LHX9: variants seen among roughly 807,000 people sequenced by gnomAD.
The protein encoded by LHX9 is LIM/homeobox protein Lhx9.
A neutral mutation model predicts 36.5 loss-of-function variants in LHX9; 9 were observed. The ratio of observed to expected loss-of-function variants is 0.25; its 90% confidence interval spans 0.15 to 0.43. LHX9 has a LOEUF of 0.43. Ranked by LOEUF, LHX9 falls within the 20% of genes least tolerant of loss-of-function variation. LHX9 has a pLI of 1.00. For synonymous variants in LHX9, 211 were observed against 212.1 expected (o/e 0.99, Z 0.04); for missense variants, 464 against 526.4 (o/e 0.88, Z 1.16).
chr1:197,917,115 TGCGC>T (rs1491353574), upstream of LHX9: 7 of 172,596 alleles, frequency 4.1e-5, no homozygotes, highest in South Asian at 2.0e-4. Context: ...TGTGTGTGTG[TGCGC>T]GCGCGCGCGC....
chr1:197,918,260 G>T (rs1659840602), intron 1 of LHX9: 1 of 715,764 alleles, frequency 1.4e-6, no homozygotes, highest in African/African-American at 1.7e-5. Flanking sequence ...GAGGTGGGAT[G>T]GGGGGTGGTG....
chr1:197,926,104 C>T (rs1660134259), intron 3 of LHX9, among the ~76,000 whole-genome samples: 1 of 152,234 alleles, frequency 6.6e-6, no homozygotes, highest in South Asian at 2.1e-4. Flanking sequence ...TTATATGTGG[C>T]TGCCTTCTTG....
chr1:197,920,976 G>A (rs1245014545), intron 2 of LHX9, among the ~76,000 whole-genome samples: 1 of 152,024 alleles, frequency 6.6e-6, no homozygotes, highest in East Asian at 1.9e-4. Context: ...ACTTGGCATG[G>A]CAATTTAATA....
chr1:197,927,034 C>T (rs1660162746), intron 3 of LHX9, among the ~76,000 whole-genome samples: 1 of 152,186 alleles, frequency 6.6e-6, no homozygotes. Flanking sequence ...TGAGAAAAGG[C>T]TAACCCTTAG....
Position 197,927,634 on chromosome 1 carries a change from G to C in LHX9, c.777G>C (p.Gln259His). 1 of 1,614,158 alleles carries C rather than the reference G, an allele frequency of 6.2e-7. No homozygotes were observed. The highest frequency in any genetic ancestry group is 8.5e-7 in the Non-Finnish European group (1 of 1,180,034). Residue 259 changes from glutamine (Q) to histidine (H), a missense_variant, in exon 4 of 5, where the codon CAG (glutamine) becomes CAC (histidine). Physicochemically the swap from Gln to His is conservative, Grantham distance 24. Coordinates refer to ENST00000367387, the MANE Select transcript of LHX9 (RefSeq NM_020204.3). The stretch of plus-strand genomic sequence containing the variant: ...CAGACCACTTGGACCGGGACCAGCA[G>C]CCTTATCCACCCTCGCAGAAGACCA... The part of the protein sequence containing the change: ...NEADHLDRDQ[Q>H]PYPPSQKTKR...
At position 197,921,589 on chromosome 1, in the gene LHX9, C is replaced by A. The variant is rs148334914; in HGVS notation, c.663C>A (p.Thr221=). 3 of 1,610,392 alleles carry A rather than the reference C, an allele frequency of 1.9e-6. No individual in the cohort carries two copies. The highest frequency in any genetic ancestry group is 1.7e-6 in the Non-Finnish European group (2 of 1,179,266). Residue 221 remains threonine, a synonymous_variant, in exon 3 of 5, where the codon ACC becomes ACA. Transcript: ENST00000367387. The surrounding 1 kb of genome is among the most constrained non-coding windows in gnomAD (Gnocchi z 4.6). ...LALPYFNGTG[T]VQKGRPRKRK... is the part of the protein sequence containing the mutation. ...TGCCTTACTTCAACGGTACGGGCACCGTGCAGAAAGGGCGGCCCCGGAAGC... is the reference window on the plus strand; with the variant it reads ...TGCCTTACTTCAACGGTACGGGCACAGTGCAGAAAGGGCGGCCCCGGAAGC...
At chr1:197,919,935 G>A (rs1659916509) in intron 1 of LHX9, 37 bp from the exon 2 acceptor site, 2 of 1,603,408 alleles carry the variant, frequency 1.2e-6, no homozygotes, top group Non-Finnish European at 1.7e-6. Context: ...GCTACACCGC[G>A]CGCCCTCCTC....
upstream of LHX9, chr1:197,916,599 C>G: frequency 1.4e-6 from 1 of 700,408 alleles, no homozygotes; most frequent in African/African-American, 1.7e-5. Context: ...ATTGCGTACC[C>G]GTGTGTACAG....
chr1:197,932,233 T>C lies in LHX9; in HGVS notation c.*2974T>C. The C allele has an allele frequency of 2.8e-6, 1 of 361,976 alleles. No homozygotes were observed. 22.4% of individuals were successfully genotyped at this position (361,976 alleles called of 1,614,324 possible). ...CAAAACCAGAGCAACCTGGCAGTAA[T>C]ATGCCCACCCCATATTTGAAAAAAA... is the stretch of plus-strand genomic sequence containing the variant. On this transcript the variant is annotated 3_prime_UTR_variant, in exon 5 of 5. Transcript: ENST00000367387.
Position 197,921,154 on chromosome 1 carries a change from A to C in LHX9, c.378-150A>C. ...CTTGGTTTATCAGAAAAGGTCGATG[A>C]GCAAATAAAATTAATGCCTACTCTC... On this transcript the variant is annotated intron_variant, in intron 2 of 4. Transcript: ENST00000367387. This position sits in a 1 kb window ranked among gnomAD's most constrained non-coding sequence, Gnocchi z 4.6. The C allele has an allele frequency of 3.5e-6, 2 of 577,790 alleles. No homozygotes were observed. Among genetic ancestry groups the C allele is most frequent in the Non-Finnish European group, 6.0e-6 (2 of 333,032 alleles). 35.8% of individuals were successfully genotyped at this position (577,790 alleles called of 1,614,324 possible). A position where few individuals can be genotyped will look rare whatever the true frequency, so the allele number is the denominator to read the frequency against.
At position 197,920,194 on chromosome 1, in the gene LHX9, C is replaced by A; in HGVS notation, c.377+20C>A. 4 of 1,610,758 alleles carry A rather than the reference C, an allele frequency of 2.5e-6. No individual in the cohort carries two copies. The highest frequency in any genetic ancestry group is 3.4e-6 in the Non-Finnish European group (4 of 1,177,176). Reference sequence around the variant, plus strand: ...CTACAGGTACTCCCCTACACCCCCACTTCCTACGCCCGAGTACACCTGGAG... The same window carrying A: ...CTACAGGTACTCCCCTACACCCCCAATTCCTACGCCCGAGTACACCTGGAG... On this transcript the variant is annotated intron_variant, in intron 2 of 4. Transcript: ENST00000367387.
rs199530670 is a variant in LHX9 at position 197,919,955 on chromosome 1, G to T, written c.175-17G>T. The T allele has an allele frequency of 1.9e-5, 31 of 1,613,200 alleles. No individual in the cohort carries two copies. The East Asian group carries it at 6.2e-4, about 32-fold the overall frequency. On this transcript the variant is annotated splice_polypyrimidine_tract_variant and intron_variant, in intron 1 of 4. Coordinates refer to ENST00000367387, the MANE Select transcript of LHX9 (RefSeq NM_020204.3). The stretch of plus-strand genomic sequence containing the variant: ...ACCGCGCGCCCTCCTCAGCCTTGCG[G>T]TGTGCTTTCTTTGCAGGGCATGCCC...
At chr1:197,919,855 C>A in intron 1 of LHX9, 117 bp from the exon 2 acceptor site, 2 of 967,334 alleles carry the variant, frequency 2.1e-6, no homozygotes, top group Non-Finnish European at 3.1e-6. Context: ...GTGCAGTGGA[C>A]CCTGGCCCCT....
At position 197,933,274 on chromosome 1, in the gene LHX9, C is replaced by A. The variant is rs1660370675; in HGVS notation, c.*4015C>A. Reference sequence around the variant, plus strand: ...TGACAGACATTAAATATTTCACTTACATGTATTCTCAGAATTTTGAATGTT... The same window carrying A: ...TGACAGACATTAAATATTTCACTTAAATGTATTCTCAGAATTTTGAATGTT... On this transcript the variant is annotated 3_prime_UTR_variant, in exon 5 of 5. Coordinates refer to ENST00000367387, the MANE Select transcript of LHX9 (RefSeq NM_020204.3). The A allele has an allele frequency of 4.6e-5, 7 of 151,980 alleles. No homozygotes were observed. The highest frequency in any genetic ancestry group is 4.6e-4 in the Admixed American group (7 of 15,258). 9.4% of individuals were successfully genotyped at this position (151,980 alleles called of 1,614,324 possible). A position where few individuals can be genotyped will look rare whatever the true frequency, so the allele number is the denominator to read the frequency against.
chr1:197,934,000 C>A lies in LHX9; in HGVS notation c.*4741C>A, dbSNP rs560002723. 6.6e-6 allele frequency: 1 copy of A among 152,238 alleles called. No individual in the cohort carries two copies. The highest frequency in any genetic ancestry group is 2.4e-5 in the African/African-American group (1 of 41,562). 9.4% of individuals were successfully genotyped at this position (152,238 alleles called of 1,614,324 possible). Reference sequence around the variant, plus strand: ...TTAGTCTAACTTCTGGCAGATTGATCTTGGGCAAAAAGCTTCACTGAGAGT... The same window carrying A: ...TTAGTCTAACTTCTGGCAGATTGATATTGGGCAAAAAGCTTCACTGAGAGT... On this transcript the variant is annotated 3_prime_UTR_variant, in exon 5 of 5. Coordinates refer to ENST00000367387, the MANE Select transcript of LHX9 (RefSeq NM_020204.3).
chr1:197,925,552 A>C (rs1329417896), intron 3 of LHX9, among the ~76,000 whole-genome samples: 1 of 152,166 alleles, frequency 6.6e-6, no homozygotes, highest in East Asian at 1.9e-4. Flanking sequence ...TATATTTATA[A>C]TCTGGTTATG....
upstream of LHX9, chr1:197,912,519 T>G (rs1293854837): frequency 6.2e-7 from 1 of 1,613,936 alleles, no homozygotes; most frequent in Non-Finnish European, 8.5e-7. Context: ...GATCCACTCC[T>G]TTTCCTCTAA....
intron 1 of LHX9, among the ~76,000 whole-genome samples, chr1:197,919,360 C>A (rs1032092130): frequency 6.6e-6 from 1 of 152,178 alleles, no homozygotes; most frequent in Non-Finnish European, 1.5e-5. Flanking sequence ...TGGGAACAGC[C>A]ACTTTACACA....
At position 197,921,685 on chromosome 1, in the gene LHX9, C is replaced by T; in HGVS notation, c.733+26C>T. On this transcript the variant is annotated intron_variant, in intron 3 of 4. Coordinates refer to ENST00000367387, the MANE Select transcript of LHX9 (RefSeq NM_020204.3). This position sits in a 1 kb window ranked among gnomAD's most constrained non-coding sequence, Gnocchi z 4.6. ...GTGTGCCTCCTATCCTCACCCCCGG[C>T]GCAGCCCCGGCCTCCCTGAGGAAAA... The T allele has an allele frequency of 1.3e-6, 2 of 1,519,130 alleles. No homozygotes were observed. Among genetic ancestry groups the T allele is most frequent in the Non-Finnish European group, 1.8e-6 (2 of 1,133,620 alleles). The allele number at this position is 1,519,130 out of a possible 1,614,324, so 94.1% of individuals were successfully genotyped here.
Sources: gnomAD v4.1 joint callset for allele counts (sites outside exome capture counted in the v4.1 genomes callset) on GRCh38, gnomAD v4.1.1 for gene constraint, Gnocchi (gnomAD v3.1) non-coding constraint, MANE v1.5 for transcripts, NCBI Gene and HGNC (gene_info 2026-07-23, HGNC 2026-07-21) for gene names.